SLC5A12: variants seen among roughly 807,000 people sequenced by gnomAD.
SLC5A12 encodes the protein sodium-coupled monocarboxylate transporter 2.
Under a neutral mutation model 72.7 loss-of-function variants are expected in SLC5A12, and 46 were observed. The observed-to-expected ratio is 0.63, with a 90% CI of 0.50 to 0.81. The LOEUF (loss-of-function observed/expected upper bound fraction) is 0.81, where lower values mean the gene tolerates loss of function less well. Ranked by LOEUF, SLC5A12 falls within the 30% of genes least tolerant of loss-of-function variation. The pLI is 0.00. For missense variants in SLC5A12, 683 were observed against 740.7 expected (o/e 0.92, Z 0.90); for synonymous variants, 275 against 264.4 (o/e 1.04, Z -0.39).
intron 8 of SLC5A12, among the ~76,000 whole-genome samples, chr11:26,693,484 C>A (rs1854733473): frequency 6.6e-6 from 1 of 152,102 alleles, no homozygotes; most frequent in African/African-American, 2.4e-5. Flanking sequence ...TCTTATTGGA[C>A]CTAAAACTTG....
At chr11:26,694,746 G>C (rs1854768436) in intron 8 of SLC5A12, among the ~76,000 whole-genome samples, 1 of 152,054 alleles carries the variant, frequency 6.6e-6, no homozygotes, top group Non-Finnish European at 1.5e-5. Context: ...CCATTTCAAA[G>C]ATGCTAAAAT....
At chr11:26,718,644 G>A (rs112684955) in intron 1 of SLC5A12, among the ~76,000 whole-genome samples, 101 of 149,968 alleles carry the variant, frequency 6.7e-4, no homozygotes, top group African/African-American at 2.4e-3. Context: ...GTGTGTGTGT[G>A]TGTGTGTGTG....
chr11:26,699,303 G>A (rs1854902672), intron 6 of SLC5A12, among the ~76,000 whole-genome samples: 1 of 152,204 alleles, frequency 6.6e-6, no homozygotes, highest in Non-Finnish European at 1.5e-5. Context: ...GAGGCCAAGA[G>A]AGCAACGCTG....
rs753560257 is a variant in SLC5A12, at chr11:26,692,479, C to CTGTACCTACA, written c.1153_1153+9dup. 24 of 1,566,718 alleles carry CTGTACCTACA rather than the reference C, an allele frequency of 1.5e-5. No homozygotes were observed. In the African/African-American group the frequency reaches 2.2e-4, roughly 14 times the overall value. On this transcript the variant is annotated intron_variant, in intron 9 of 14. Coordinates refer to ENST00000396005, the MANE Select transcript of SLC5A12 (RefSeq NM_178498.4). Reference sequence around the variant, plus strand: ...TGATATGGAATAGAAAGTCCACCAGCTGTACCTACATAAGCCTTTACTGAT... The same window carrying CTGTACCTACA: ...TGATATGGAATAGAAAGTCCACCAGCTGTACCTACATGTACCTACATAAGCCTTTACTGAT...
intron 14 of SLC5A12, among the ~76,000 whole-genome samples, chr11:26,671,496 A>G (rs75502698): frequency 0.012 from 1,889 of 152,256 alleles, 48 homozygotes; most frequent in African/African-American, 0.043. Flanking sequence ...CTCGTGTTGC[A>G]TGAAGAAATT....
intron 10 of SLC5A12, among the ~76,000 whole-genome samples, chr11:26,686,269 C>T (rs919059501): frequency 6.7e-5 from 10 of 148,616 alleles, no homozygotes; most frequent in East Asian, 2.0e-4. Flanking sequence ...GTTTCCCCTT[C>T]GGAAAGTGAT....
At chr11:26,686,442 G>T in intron 10 of SLC5A12, 35 bp downstream of exon 10, 1 of 1,607,136 alleles carries the variant, frequency 6.2e-7, no homozygotes, top group South Asian at 1.1e-5. Context: ...GGAAGTTCCA[G>T]TGAAACCAAA....
chr11:26,706,258 G>A (rs1285785427), intron 4 of SLC5A12, among the ~76,000 whole-genome samples: 1 of 21,292 alleles, frequency 4.7e-5, no homozygotes, highest in Non-Finnish European at 9.9e-5. Context: ...TGGATTCATA[G>A]AATGAAAGAT....
chr11:26,679,962 G>T (rs576849226), intron 12 of SLC5A12, among the ~76,000 whole-genome samples: 14 of 152,032 alleles, frequency 9.2e-5, no homozygotes, highest in African/African-American at 3.4e-4. Context: ...ATACAAATAA[G>T]ATAATTTCAC....
At position 26,668,982 on chromosome 11, in the gene SLC5A12, T is replaced by C. The variant is rs1854063242; in HGVS notation, c.*2120A>G. On this transcript the variant is annotated 3_prime_UTR_variant, in exon 15 of 15. Coordinates refer to ENST00000396005, the MANE Select transcript of SLC5A12 (RefSeq NM_178498.4). ...GAGTAAAATGAAAAATTGTATGGTA[T>C]ATTTTGCTTTTATGCTATCCCAAGT... is the stretch of plus-strand genomic sequence containing the variant. 1 of 151,882 alleles carries C rather than the reference T, an allele frequency of 6.6e-6. No individual in the cohort carries two copies. Among genetic ancestry groups the C allele is most frequent in the African/African-American group, 2.4e-5 (1 of 41,384 alleles). 9.4% of individuals were successfully genotyped at this position (151,882 alleles called of 1,614,324 possible). A position where few individuals can be genotyped will look rare whatever the true frequency, so the allele number is the denominator to read the frequency against.
chr11:26,698,552 G>A lies in SLC5A12; in HGVS notation c.822-17C>T, dbSNP rs1465054365. 19 of 1,613,480 alleles carry A rather than the reference G, an allele frequency of 1.2e-5. No individual in the cohort carries two copies. The highest frequency in any genetic ancestry group is 2.2e-5 in the East Asian group (1 of 44,852). Reference sequence around the variant, plus strand: ...TACAAGGCACTAGAAAAGAGCACATGGGCCTATTGGTAGCCTGTATACCAT... The same window carrying A: ...TACAAGGCACTAGAAAAGAGCACATAGGCCTATTGGTAGCCTGTATACCAT... On this transcript the variant is annotated splice_polypyrimidine_tract_variant and intron_variant, in intron 6 of 14. Coordinates refer to ENST00000396005, the MANE Select transcript of SLC5A12 (RefSeq NM_178498.4).
At chr11:26,720,989 C>G (rs1454680108) in intron 1 of SLC5A12, among the ~76,000 whole-genome samples, 1 of 152,144 alleles carries the variant, frequency 6.6e-6, no homozygotes, top group Admixed American at 6.5e-5. Flanking sequence ...TTATCTGTAT[C>G]TCAGTTTTCT....
At chr11:26,680,977 T>TA (rs1273246790) in intron 12 of SLC5A12, 78 bp downstream of exon 12, 1 of 1,298,220 alleles carries the variant, frequency 7.7e-7, no homozygotes, top group East Asian at 2.6e-5. Flanking sequence ...TCATCACACT[T>TA]ATCTCTGAAG....
rs779630795 is a variant in SLC5A12 at position 26,683,826 on chromosome 11, G to A, written c.1239C>T (p.His413=). ...GGVVQASLSI[H]GMCGGPMLGL... ...CCAGCATTGGTCCTCCACACATGCCGTGAATGCTGAGGGAAGCCTGTGGAA... is the reference window on the plus strand; with the variant it reads ...CCAGCATTGGTCCTCCACACATGCCATGAATGCTGAGGGAAGCCTGTGGAA... The change falls in exon 11 of 15, where the codon CAC becomes CAT. Residue 413 remains histidine, a synonymous_variant. Coordinates refer to ENST00000396005, the MANE Select transcript of SLC5A12 (RefSeq NM_178498.4). 32 of 1,596,182 alleles carry A rather than the reference G, an allele frequency of 2.0e-5. No individual in the cohort carries two copies. Among genetic ancestry groups the A allele is most frequent in the African/African-American group, 9.4e-5 (7 of 74,712 alleles).
At chr11:26,678,362 G>GT (rs1854311984) in intron 13 of SLC5A12, among the ~76,000 whole-genome samples, 2 of 151,888 alleles carry the variant, frequency 1.3e-5, no homozygotes, top group Admixed American at 6.6e-5. Flanking sequence ...TTGAATATAT[G>GT]TTTTTTTGTT....
At position 26,680,352 on chromosome 11, in the gene SLC5A12, TATATATATGTATATATATTC is replaced by T. The variant is rs1565185711; in HGVS notation, c.1475+683_1475+702del. Among the ~76,000 whole-genome samples, 126 of 127,518 alleles carry T rather than the reference TATATATATGTATATATATTC, an allele frequency of 9.9e-4. 3 individuals carry two copies. Among genetic ancestry groups the T allele is most frequent in the African/African-American group, 3.6e-3 (118 of 32,860 alleles). The allele number at this position is 127,518 out of a possible 152,430, so 83.7% of individuals were successfully genotyped here. A position where few individuals can be genotyped will look rare whatever the true frequency, so the allele number is the denominator to read the frequency against. On this transcript the variant is annotated intron_variant, in intron 12 of 14. Transcript: ENST00000396005. ...TCATATATATATGTATATATATTCA[TATATATATGTATATATATTC>T]ATATATATATGTATATATATTCATA...
intron 9 of SLC5A12, chr11:26,691,680 A>G (rs1854678732): frequency 6.6e-6 from 1 of 152,174 alleles, no homozygotes; most frequent in Non-Finnish European, 1.5e-5. Context: ...AATTTTATTT[A>G]ACAATGTACA....
In SLC5A12 at chr11:26,669,051, A is replaced by G. The variant is rs1056808590; in HGVS notation, c.*2051T>C. On this transcript the variant is annotated 3_prime_UTR_variant, in exon 15 of 15. Coordinates refer to ENST00000396005, the MANE Select transcript of SLC5A12 (RefSeq NM_178498.4). ...TGTATTCCAAATCATATTTACATAT[A>G]TATGTGTACAGATATATATATGTAT... The G allele has an allele frequency of 8.3e-6, 1 of 119,794 alleles. No individual in the cohort carries two copies. The highest frequency in any genetic ancestry group is 2.0e-5 in the Non-Finnish European group (1 of 49,160). 7.4% of individuals were successfully genotyped at this position (119,794 alleles called of 1,614,324 possible). A position where few individuals can be genotyped will look rare whatever the true frequency, so the allele number is the denominator to read the frequency against.
intron 4 of SLC5A12, 116 bp from the exon 5 acceptor site, chr11:26,704,063 TG>T: frequency 9.0e-7 from 1 of 1,114,018 alleles, no homozygotes; most frequent in Non-Finnish European, 1.3e-6. Flanking sequence ...CATCAGCCAC[TG>T]AGGATCTTTT....
Sources: gnomAD v4.1 joint callset for allele counts (sites outside exome capture counted in the v4.1 genomes callset) on GRCh38, gnomAD v4.1.1 for gene constraint, MANE v1.5 for transcripts, NCBI Gene and HGNC (gene_info 2026-07-23, HGNC 2026-07-21) for gene names.